ZNF644: variants seen among roughly 807,000 people sequenced by gnomAD.
The protein encoded by ZNF644 is zinc finger protein 644.
Under a neutral mutation model 108.0 loss-of-function variants are expected in ZNF644, and 20 were observed. That is an observed-to-expected ratio of 0.19 (90% CI 0.13 to 0.27). The LOEUF (loss-of-function observed/expected upper bound fraction) is 0.27, where lower values mean the gene tolerates loss of function less well. Among genes scored for constraint, ZNF644 ranks in the 10% least tolerant of loss-of-function variants. ZNF644 has a pLI of 1.00. For missense variants in ZNF644, 1,338 were observed against 1,548.9 expected, an observed-to-expected ratio of 0.86 and a Z score of 2.29; for synonymous variants, 542 against 539.1, an observed-to-expected ratio of 1.01 and a Z score of -0.08.
At chr1:90,988,872 T>C (rs1657368919) in intron 1 of ZNF644, among the ~76,000 whole-genome samples, 1 of 152,026 alleles carries the variant, frequency 6.6e-6, no homozygotes, top group Non-Finnish European at 1.5e-5. Context: ...TTACACCACA[T>C]ACAAAAATTA....
At chr1:90,937,336 G>A in intron 4 of ZNF644, 149 bp downstream of exon 4, 1 of 1,052,034 alleles carries the variant, frequency 9.5e-7, no homozygotes, top group Non-Finnish European at 1.4e-6. Flanking sequence ...AGAAATGACA[G>A]TAGAATAACC....
rs1553151444 is a variant in ZNF644 at position 90,950,297 on chromosome 1, G to GAGGGGAGGGGAGGGCAGGGC, written c.45-8989_45-8988insGCCCTGCCCTCCCCTCCCCT. 3.5e-4 allele frequency among the ~76,000 whole-genome samples: 9 copies of GAGGGGAGGGGAGGGCAGGGC among 26,078 alleles called. 1 individual carries two copies. The highest frequency in any genetic ancestry group is 6.4e-4 in the African/African-American group (4 of 6,270). The allele number at this position is 26,078 out of a possible 152,430, so 17.1% of individuals were successfully genotyped here. On this transcript the variant is annotated intron_variant, in intron 2 of 5. Coordinates refer to ENST00000337393, the MANE Select transcript of ZNF644 (RefSeq NM_201269.3). ...ATCTCAAGGGAAGGGAAGGGAAGGG[G>GAGGGGAGGGGAGGGCAGGGC]AGGGGAGGGGACAAAAGAAAAGAAA...
intron 4 of ZNF644, among the ~76,000 whole-genome samples, chr1:90,924,092 C>T (rs1395991233): frequency 6.6e-6 from 1 of 152,060 alleles, no homozygotes; most frequent in Non-Finnish European, 1.5e-5. Context: ...AAATATGATA[C>T]TTCATCACAC....
intron 1 of ZNF644, among the ~76,000 whole-genome samples, chr1:91,009,942 A>C (rs950296934): frequency 3.3e-5 from 5 of 152,144 alleles, no homozygotes; most frequent in African/African-American, 1.2e-4. Flanking sequence ...GACTTATTTA[A>C]AACTATGCAT....
chr1:90,916,705 G>C lies in ZNF644; in HGVS notation c.*93C>G. The C allele has an allele frequency of 7.1e-7, 1 of 1,402,820 alleles. No individual in the cohort carries two copies. The highest frequency in any genetic ancestry group is 1.0e-6 in the Non-Finnish European group (1 of 1,004,580). 86.9% of individuals were successfully genotyped at this position (1,402,820 alleles called of 1,614,324 possible). The stretch of plus-strand genomic sequence containing the variant: ...ACTTTCCCCCCATTTTCCTGCTTTA[G>C]TATTTATAAACAGATAATTTAATGT... On this transcript the variant is annotated 3_prime_UTR_variant, in exon 6 of 6. Transcript: ENST00000337393.
intron 2 of ZNF644, among the ~76,000 whole-genome samples, chr1:90,970,083 A>C (rs1461503502): frequency 6.6e-5 from 10 of 152,224 alleles, no homozygotes; most frequent in Admixed American, 6.5e-4. Context: ...TAGACATAAG[A>C]ACAAGTTTGC....
At chr1:90,987,205 GAAGAC>G (rs1252852010) in intron 1 of ZNF644, among the ~76,000 whole-genome samples, 1 of 140,620 alleles carries the variant, frequency 7.1e-6, no homozygotes, top group African/African-American at 2.6e-5. Flanking sequence ...ATATAGAACT[GAAGAC>G]AAGGAAAGAA....
chr1:91,001,199 T>A (rs1658745653), intron 1 of ZNF644, among the ~76,000 whole-genome samples: 1 of 152,104 alleles, frequency 6.6e-6, no homozygotes, highest in African/African-American at 2.4e-5. Context: ...GCCAGCATCA[T>A]CCTGATACCA....
intron 2 of ZNF644, among the ~76,000 whole-genome samples, chr1:90,970,629 T>C (rs1159423133): frequency 6.6e-6 from 1 of 152,144 alleles, no homozygotes; most frequent in Non-Finnish European, 1.5e-5. Context: ...CCTTTGACAT[T>C]GTAAAGTGCA....
chr1:91,012,219 T>C (rs977505881), intron 1 of ZNF644, among the ~76,000 whole-genome samples: 1 of 151,414 alleles, frequency 6.6e-6, no homozygotes, highest in African/African-American at 2.4e-5. Flanking sequence ...CAATTCTCAC[T>C]ACCCTTGGGA....
intron 1 of ZNF644, 143 bp from the exon 2 acceptor site, chr1:90,982,513 A>G (rs1286894432): frequency 1.1e-4 from 71 of 618,018 alleles, no homozygotes; most frequent in Non-Finnish European, 2.8e-6. Flanking sequence ...CCATTCAACC[A>G]GAATACCATC....
chr1:90,937,735 C>T lies in ZNF644; in HGVS notation c.3438G>A (p.Gly1146=), dbSNP rs1557563899. 1 of 1,613,800 alleles carries T rather than the reference C, an allele frequency of 6.2e-7. No homozygotes were observed. The highest frequency in any genetic ancestry group is 8.5e-7 in the Non-Finnish European group (1 of 1,179,888). The change falls in exon 4 of 6, where the codon GGG becomes GGA. Residue 1146 remains glycine, a synonymous_variant. Coordinates refer to ENST00000337393, the MANE Select transcript of ZNF644 (RefSeq NM_201269.3). Reference sequence around the variant, plus strand: ...CATCATATTCATTTAAGAAATTCAGCCCTTCTTCTTCTGATGCAGACACTG... The same window carrying T: ...CATCATATTCATTTAAGAAATTCAGTCCTTCTTCTTCTGATGCAGACACTG... The part of the protein sequence containing the change: ...ALSVSASEEE[G]LNFLNEYDET...
intron 4 of ZNF644, among the ~76,000 whole-genome samples, chr1:90,925,317 C>T (rs1037669036): frequency 2.6e-5 from 4 of 152,092 alleles, no homozygotes; most frequent in African/African-American, 4.8e-5. Flanking sequence ...TATAGCCAAT[C>T]GATAGCTTAC....
intron 2 of ZNF644, among the ~76,000 whole-genome samples, chr1:90,974,995 G>T (rs1425434323): frequency 6.6e-6 from 1 of 151,986 alleles, no homozygotes; most frequent in African/African-American, 2.4e-5. Flanking sequence ...CTCATCCTTT[G>T]AACATGCTAT....
intron 2 of ZNF644, among the ~76,000 whole-genome samples, chr1:90,981,528 C>T (rs1304657808): frequency 6.6e-6 from 1 of 151,886 alleles, no homozygotes; most frequent in Non-Finnish European, 1.5e-5. Flanking sequence ...ACAGCTGAAA[C>T]ATCTGGTTAG....
At position 90,937,528 on chromosome 1, in the gene ZNF644, C is replaced by T. The variant is rs755597936; in HGVS notation, c.3645G>A (p.Pro1215=). The T allele has an allele frequency of 3.5e-5, 56 of 1,613,856 alleles. 1 individual carries two copies. In the South Asian group the frequency reaches 5.5e-4, roughly 16 times the overall value. ...CCATTTTTTGTGGCTGATACATCAA[C>T]GGACTATCCTCATTTAATGGAAGAA... ...KCVLPLNEDS[P]LMYQPQKMDL... is the part of the protein sequence containing the mutation. The change falls in exon 4 of 6, where the codon CCG becomes CCA. Residue 1215 remains proline, a synonymous_variant. Coordinates refer to ENST00000337393, the MANE Select transcript of ZNF644 (RefSeq NM_201269.3).
intron 2 of ZNF644, chr1:90,972,771 T>A (rs913556548): frequency 1.3e-5 from 2 of 152,216 alleles, no homozygotes; most frequent in Non-Finnish European, 2.9e-5. Context: ...AATACAGTAT[T>A]ATGCAGACTT....
intron 1 of ZNF644, among the ~76,000 whole-genome samples, chr1:90,999,540 C>A (rs560767204): frequency 1.3e-5 from 2 of 152,128 alleles, no homozygotes; most frequent in Non-Finnish European, 2.9e-5. Flanking sequence ...GAAGGAAGCA[C>A]TAAACATGGA....
intron 1 of ZNF644, among the ~76,000 whole-genome samples, chr1:91,003,413 C>A (rs1451095038): frequency 6.6e-6 from 1 of 152,062 alleles, no homozygotes; most frequent in Non-Finnish European, 1.5e-5. Context: ...CCATCATTCT[C>A]AGCAAACTAT....
Sources: allele counts gnomAD v4.1 joint callset (sites outside exome capture counted in the v4.1 genomes callset), GRCh38; gene constraint gnomAD v4.1.1; transcripts MANE v1.5; gene names NCBI Gene and HGNC (gene_info 2026-07-23, HGNC 2026-07-21).